DIP2A: variants seen among roughly 807,000 people sequenced by gnomAD.
DIP2A encodes DIP2 acetate--CoA ligase A, also known as disco-interacting protein 2 homolog A.
A neutral mutation model predicts 177.4 loss-of-function variants in DIP2A; 85 were observed. The observed-to-expected ratio is 0.48, with a 90% CI of 0.40 to 0.57. The LOEUF is 0.57. Ranked by LOEUF, DIP2A falls within the 20% of genes least tolerant of loss-of-function variation. The pLI is 0.00. For missense variants in DIP2A, 1,791 were observed against 2,100.2 expected (o/e 0.85, Z 2.88); for synonymous variants, 886 against 881.8 (o/e 1.00, Z -0.08).
At chr21:46,562,397 C>A (rs2060696239) in intron 34 of DIP2A, among the ~76,000 whole-genome samples, 1 of 152,204 alleles carries the variant, frequency 6.6e-6, no homozygotes, top group African/African-American at 2.4e-5. Context: ...GAAGAGTAAG[C>A]CAGGCTTGAT....
chr21:46,562,475 C>T (rs1424775784), intron 34 of DIP2A, among the ~76,000 whole-genome samples: 3 of 152,208 alleles, frequency 2.0e-5, no homozygotes, highest in African/African-American at 7.2e-5. Context: ...ACCCTGACTC[C>T]GTTCACTGCC....
chr21:46,547,467 T>C (rs1484413013), intron 21 of DIP2A, among the ~76,000 whole-genome samples: 1 of 152,150 alleles, frequency 6.6e-6, no homozygotes, highest in African/African-American at 2.4e-5. Flanking sequence ...TCTACATGTG[T>C]AAAGCAAGGA....
At chr21:46,564,066 C>T (rs79694455) in intron 35 of DIP2A, 134 bp downstream of exon 35, 47,257 of 991,816 alleles carry the variant, frequency 0.048, 1,342 homozygotes, top group Middle Eastern at 0.084. Context: ...GCCCTTGCCC[C>T]GTGTACCTCC....
chr21:46,495,243 T>TC (rs773968410), intron 3 of DIP2A, among the ~76,000 whole-genome samples: 3,140 of 70,522 alleles, frequency 0.045, 34 homozygotes, highest in African/African-American at 0.05. Context: ...TCTTCTCTTC[T>TC]TTCTCTCTCT....
At chr21:46,459,656 C>T (rs939160923) in intron 1 of DIP2A, among the ~76,000 whole-genome samples, 1 of 151,324 alleles carries the variant, frequency 6.6e-6, no homozygotes, top group Non-Finnish European at 1.5e-5. Context: ...CCCCGGGACA[C>T]CCGCGCGGCC....
chr21:46,542,298 T>C (rs374721801), intron 18 of DIP2A, among the ~76,000 whole-genome samples: 2 of 152,200 alleles, frequency 1.3e-5, no homozygotes, highest in African/African-American at 4.8e-5. Flanking sequence ...ACGGTGATAA[T>C]AGCTCACTGT....
At chr21:46,561,006 C>A in intron 33 of DIP2A, 1 of 985,436 alleles carries the variant, frequency 1.0e-6, no homozygotes, top group Non-Finnish European at 1.2e-6. Flanking sequence ...TCCGGGCGTG[C>A]CTCCCAGGGG....
chr21:46,563,825 C>CT lies in DIP2A; in HGVS notation c.4090-30dup. On this transcript the variant is annotated intron_variant, in intron 34 of 37. Coordinates refer to ENST00000417564, the MANE Select transcript of DIP2A (RefSeq NM_015151.4). The surrounding 1 kb of genome is among the most constrained non-coding windows in gnomAD (Gnocchi z 4.3). ...TCAAGAGAGTCTCGTGTCATGTTTTCTTTAACAAGGGACATAGCTCTCCTC... is the reference window on the plus strand; with the variant it reads ...TCAAGAGAGTCTCGTGTCATGTTTTCTTTTAACAAGGGACATAGCTCTCCTC... The CT allele has an allele frequency of 6.2e-7, 1 of 1,608,964 alleles. No individual in the cohort carries two copies. The highest frequency in any genetic ancestry group is 1.3e-5 in the African/African-American group (1 of 74,704).
chr21:46,561,106 C>A lies in DIP2A; in HGVS notation c.4031+323C>A, dbSNP rs2060647628. On this transcript the variant is annotated intron_variant, in intron 33 of 37. Transcript: ENST00000417564. The stretch of plus-strand genomic sequence containing the variant: ...ACACAACCAGGAAGAATAAGAGTGG[C>A]CCCTGTGACATTTGGTTCTTTAGAG... The A allele has an allele frequency of 5.0e-6, 4 of 793,130 alleles. 1 individual carries two copies. The South Asian group carries it at 1.7e-4, about 34-fold the overall frequency. The allele number at this position is 793,130 out of a possible 1,614,324, so 49.1% of individuals were successfully genotyped here. A position where few individuals can be genotyped will look rare whatever the true frequency, so the allele number is the denominator to read the frequency against.
At chr21:46,579,004 A>G in the DIP2A span, among the ~76,000 whole-genome samples, 1 of 151,950 alleles carries the variant, frequency 6.6e-6, no homozygotes, top group Admixed American at 6.5e-5. Context: ...CTCCTTTTCT[A>G]TTGTTTGGAA....
At chr21:46,536,767 G>A (rs1448614771) in intron 13 of DIP2A, among the ~76,000 whole-genome samples, 1 of 152,092 alleles carries the variant, frequency 6.6e-6, no homozygotes, top group African/African-American at 2.4e-5. Context: ...AGCCAGGCAT[G>A]GCAGCGCATG....
chr21:46,554,514 A>G, intron 26 of DIP2A, 61 bp from the exon 27 acceptor site: 2 of 1,592,394 alleles, frequency 1.3e-6, no homozygotes, highest in East Asian at 4.5e-5. Flanking sequence ...GGAACAGTGA[A>G]CAGAGGCTGG....
chr21:46,534,194 C>T, intron 12 of DIP2A, 81 bp downstream of exon 12: 1 of 1,172,498 alleles, frequency 8.5e-7, no homozygotes, highest in Non-Finnish European at 1.2e-6. Flanking sequence ...ATGTAAGTTG[C>T]TATTCTTTTT....
At chr21:46,564,090 T>C (rs529429196) in intron 35 of DIP2A, among the ~76,000 whole-genome samples, 158 bp downstream of exon 35, 3 of 152,328 alleles carry the variant, frequency 2.0e-5, no homozygotes, top group African/African-American at 7.2e-5. Flanking sequence ...ACCCAGTTCC[T>C]ATGTAGGATT....
intron 8 of DIP2A, chr21:46,525,635 A>G (rs923797099): frequency 6.6e-6 from 1 of 152,144 alleles, no homozygotes; most frequent in Non-Finnish European, 1.5e-5. Context: ...CTTTGGCAGC[A>G]CATACACTAA....
chr21:46,498,784 G>A lies in DIP2A; in HGVS notation c.606G>A (p.Gly202=), dbSNP rs746280333. The change falls in exon 5 of 38, where the codon GGG becomes GGA. Residue 202 remains glycine, a synonymous_variant. Transcript: ENST00000417564. The surrounding 1 kb of genome is among the most constrained non-coding windows in gnomAD (Gnocchi z 4.3). ...CTCCCAGTGCTGCAGCCACGCCGGGGGCCGCCGCTACCACTGCACTCGCAG... is the reference window on the plus strand; with the variant it reads ...CTCCCAGTGCTGCAGCCACGCCGGGAGCCGCCGCTACCACTGCACTCGCAG... ...TTAPSAAATP[G]AAATTALAGL... The A allele has an allele frequency of 9.3e-6, 15 of 1,613,404 alleles. No individual in the cohort carries two copies. Among genetic ancestry groups the A allele is most frequent in the Admixed American group, 3.3e-5 (2 of 59,984 alleles).
chr21:46,578,786 T>C, the DIP2A span, among the ~76,000 whole-genome samples: 3 of 152,224 alleles, frequency 2.0e-5, no homozygotes, highest in Non-Finnish European at 2.9e-5. Context: ...TGAACCAGCC[T>C]TGCATCCCAG....
intron 6 of DIP2A, among the ~76,000 whole-genome samples, chr21:46,506,732 C>CTTTCTTTCTTTCTTTCTTTTCT (rs2058013458): frequency 1.5e-5 from 1 of 65,432 alleles, no homozygotes; most frequent in Non-Finnish European, 3.7e-5. Context: ...GTTTTTCTTT[C>CTTTCTTTCTTTCTTTCTTTTCT]TTTCTTTCTT....
chr21:46,467,720 G>C (rs2054963538), intron 1 of DIP2A, among the ~76,000 whole-genome samples: 1 of 151,766 alleles, frequency 6.6e-6, no homozygotes, highest in Non-Finnish European at 1.5e-5. Flanking sequence ...TCATGTTTCG[G>C]GAATACCCTC....
Sources: gnomAD v4.1 joint callset for allele counts (sites outside exome capture counted in the v4.1 genomes callset) on GRCh38, gnomAD v4.1.1 for gene constraint, Gnocchi (gnomAD v3.1) non-coding constraint, MANE v1.5 for transcripts, NCBI Gene and HGNC (gene_info 2026-07-23, HGNC 2026-07-21) for gene names.